RNF111: variants seen among roughly 807,000 people sequenced by gnomAD.
RNF111 encodes the protein E3 ubiquitin-protein ligase Arkadia.
A neutral mutation model predicts 95.1 loss-of-function variants in RNF111; 17 were observed. That is an observed-to-expected ratio of 0.18 (90% confidence interval 0.12 to 0.27). The LOEUF is 0.27. Ranked by LOEUF, RNF111 falls within the 10% of genes least tolerant of loss-of-function variation. RNF111 has a pLI of 1.00. For synonymous variants in RNF111, 440 were observed against 414.8 expected, an observed-to-expected ratio of 1.06 and a Z score of -0.74; for missense variants, 1,189 against 1,210.4, an observed-to-expected ratio of 0.98 and a Z score of 0.26.
intron 2 of RNF111, among the ~76,000 whole-genome samples, chr15:59,046,830 A>C (rs1434832705): frequency 6.6e-6 from 1 of 152,194 alleles, no homozygotes; most frequent in African/African-American, 2.4e-5. Context: ...ATCTGAGAAA[A>C]GACTTGTATT....
At chr15:59,006,629 T>A (rs2039551160) in intron 1 of RNF111, among the ~76,000 whole-genome samples, 1 of 152,224 alleles carries the variant, frequency 6.6e-6, no homozygotes, top group Non-Finnish European at 1.5e-5. Context: ...TCTAGCCATC[T>A]ATTTGTTCCT....
At chr15:58,990,734 A>G (rs1234545354) in intron 1 of RNF111, among the ~76,000 whole-genome samples, 1 of 152,216 alleles carries the variant, frequency 6.6e-6, no homozygotes, top group Non-Finnish European at 1.5e-5. Flanking sequence ...TTAATTACTG[A>G]AGCTTTAATA....
chr15:59,081,546 A>G (rs1272419635), intron 8 of RNF111, among the ~76,000 whole-genome samples: 3 of 152,102 alleles, frequency 2.0e-5, no homozygotes, highest in Non-Finnish European at 2.9e-5. Flanking sequence ...AAAACCATGA[A>G]GTCTTTAGAA....
chr15:59,054,050 C>T (rs1250056400), intron 3 of RNF111, among the ~76,000 whole-genome samples: 1 of 152,164 alleles, frequency 6.6e-6, no homozygotes, highest in Non-Finnish European at 1.5e-5. Flanking sequence ...ATCCTCCTCC[C>T]TCAGCCTTGT....
chr15:59,036,250 G>A (rs2041171929), intron 2 of RNF111, among the ~76,000 whole-genome samples: 1 of 152,080 alleles, frequency 6.6e-6, no homozygotes, highest in Non-Finnish European at 1.5e-5. Flanking sequence ...TAGAGACTGG[G>A]TTTCACCATG....
intron 11 of RNF111, among the ~76,000 whole-genome samples, chr15:59,090,174 C>T (rs1052144638): frequency 2.8e-4 from 43 of 152,102 alleles, no homozygotes; most frequent in Non-Finnish European, 4.7e-4. Flanking sequence ...ACAAATCATT[C>T]GAATGGGATT....
intron 2 of RNF111, among the ~76,000 whole-genome samples, chr15:59,034,071 T>A (rs1324316519): frequency 6.6e-6 from 1 of 152,252 alleles, no homozygotes; most frequent in Admixed American, 6.5e-5. Flanking sequence ...AAGTAATCAC[T>A]ATTAGTAGTT....
chr15:59,054,386 A>G (rs549792793), intron 3 of RNF111, among the ~76,000 whole-genome samples: 1 of 152,256 alleles, frequency 6.6e-6, no homozygotes, highest in South Asian at 2.1e-4. Flanking sequence ...CTAGTACAAT[A>G]TGATGCTTTC....
At chr15:59,079,931 T>C in intron 7 of RNF111, among the ~76,000 whole-genome samples, 1 of 152,098 alleles carries the variant, frequency 6.6e-6, no homozygotes, top group African/African-American at 2.4e-5. Flanking sequence ...AGAGCTTCCA[T>C]ATATGCAAAT....
At chr15:59,016,184 T>C (rs1484990069) in intron 1 of RNF111, among the ~76,000 whole-genome samples, 1 of 150,872 alleles carries the variant, frequency 6.6e-6, no homozygotes, top group East Asian at 1.9e-4. Flanking sequence ...AGTTTTTTTT[T>C]TTTAGAGATA....
At chr15:59,060,735 A>G (rs995380543) in intron 5 of RNF111, among the ~76,000 whole-genome samples, 5 of 152,082 alleles carry the variant, frequency 3.3e-5, no homozygotes, top group Non-Finnish European at 7.4e-5. Context: ...TTTTTGAGGC[A>G]GGGATTTGAC....
chr15:59,067,697 A>G (rs2042727631), intron 6 of RNF111, among the ~76,000 whole-genome samples: 1 of 152,224 alleles, frequency 6.6e-6, no homozygotes, highest in South Asian at 2.1e-4. Flanking sequence ...TTTTAGTTAA[A>G]TACAGTTGGA....
Position 59,030,868 on chromosome 15 carries a change from G to T in RNF111, c.46G>T (p.Val16Leu), listed in dbSNP as rs1479418538. 1.9e-6 allele frequency: 3 copies of T among 1,613,932 alleles called. No individual in the cohort carries two copies. The highest frequency in any genetic ancestry group is 2.5e-6 in the Non-Finnish European group (3 of 1,179,832). Reference sequence around the variant, plus strand: ...ATATAACGAGCTCTACACCTTAAAAGTGGATATGAAGAGTGAGATTCCTTC... The same window carrying T: ...ATATAACGAGCTCTACACCTTAAAATTGGATATGAAGAGTGAGATTCCTTC... The part of the protein sequence containing the change: ...PEYNELYTLK[V>L]DMKSEIPSDA... Residue 16 changes from valine (V) to leucine (L), a missense_variant, in exon 2 of 14, where the codon GTG (valine) becomes TTG (leucine). Coordinates refer to ENST00000348370, the MANE Select transcript of RNF111 (RefSeq NM_017610.8).
chr15:59,067,122 C>G (rs761145093), intron 6 of RNF111, 39 bp downstream of exon 6: 165 of 1,509,942 alleles, frequency 1.1e-4, no homozygotes, highest in Non-Finnish European at 1.4e-4. Flanking sequence ...TCCTGCCCCT[C>G]TTGTCTCTCT....
chr15:59,081,561 T>C (rs1450900789), intron 8 of RNF111, among the ~76,000 whole-genome samples: 4 of 152,014 alleles, frequency 2.6e-5, no homozygotes, highest in Admixed American at 2.0e-4. Context: ...TTAGAAATAA[T>C]GTAACTTGTA....
At chr15:59,028,692 A>G (rs917680958) in intron 1 of RNF111, among the ~76,000 whole-genome samples, 1 of 151,872 alleles carries the variant, frequency 6.6e-6, no homozygotes, top group Non-Finnish European at 1.5e-5. Flanking sequence ...GTTGCTGTTT[A>G]TAAGTTTTTT....
chr15:59,030,690 A>G (rs577264020), intron 1 of RNF111, 114 bp from the exon 2 acceptor site: 3 of 693,282 alleles, frequency 4.3e-6, no homozygotes, highest in South Asian at 2.8e-5. Context: ...CTGATGAGGA[A>G]AAGACAGTTC....
intron 2 of RNF111, among the ~76,000 whole-genome samples, chr15:59,047,854 C>T (rs117919185): frequency 0.034 from 5,204 of 152,236 alleles, 130 homozygotes; most frequent in Middle Eastern, 0.058. Flanking sequence ...GGATTATAGG[C>T]GTGAGCCACT....
chr15:59,039,469 T>G (rs1205718522), intron 2 of RNF111, among the ~76,000 whole-genome samples: 3 of 152,256 alleles, frequency 2.0e-5, no homozygotes, highest in African/African-American at 7.2e-5. Flanking sequence ...GTTTTTTCAC[T>G]TTTGAGTATC....
Sources: allele counts gnomAD v4.1 joint callset (sites outside exome capture counted in the v4.1 genomes callset), GRCh38; gene constraint gnomAD v4.1.1; transcripts MANE v1.5; gene names NCBI Gene and HGNC (gene_info 2026-07-23, HGNC 2026-07-21).